Variants in LRP12 observed in about 807,000 individuals in gnomAD.
LRP12 encodes the protein low-density lipoprotein receptor-related protein 12.
Under a neutral mutation model 66.0 loss-of-function variants are expected in LRP12, and 14 were observed. The ratio of observed to expected loss-of-function variants is 0.21; its 90% CI spans 0.14 to 0.33. The LOEUF is 0.33. LRP12 is among the 10% of genes least tolerant of loss of function. LRP12 has a pLI of 1.00. For synonymous variants in LRP12, 357 were observed against 359.1 expected, an observed-to-expected ratio of 0.99 and a Z score of 0.07; for missense variants, 889 against 1,053.4, an observed-to-expected ratio of 0.84 and a Z score of 2.16.
At chr8:104,548,892 T>A (rs1811682475) in intron 1 of LRP12, among the ~76,000 whole-genome samples, 1 of 151,512 alleles carries the variant, frequency 6.6e-6, no homozygotes. Flanking sequence ...GAGCTGAGAC[T>A]GCGCCATTGC....
At chr8:104,587,819 A>C (rs925674557) in intron 1 of LRP12, among the ~76,000 whole-genome samples, 1 of 152,250 alleles carries the variant, frequency 6.6e-6, no homozygotes, top group Non-Finnish European at 1.5e-5. Flanking sequence ...AAGTAATGAT[A>C]TCTTCTAATT....
intron 1 of LRP12, among the ~76,000 whole-genome samples, chr8:104,567,549 C>T (rs1489532582): frequency 6.6e-6 from 1 of 152,056 alleles, no homozygotes; most frequent in African/African-American, 2.4e-5. Flanking sequence ...GTAAAACCAT[C>T]CCTATTTGCA....
intron 1 of LRP12, among the ~76,000 whole-genome samples, chr8:104,556,322 A>C (rs1440834698): frequency 6.6e-6 from 1 of 152,176 alleles, no homozygotes; most frequent in African/African-American, 2.4e-5. Context: ...ATTTGAAACA[A>C]ATAAAAACAA....
At chr8:104,506,931 T>G (rs1810919124) in intron 3 of LRP12, 1 of 152,196 alleles carries the variant, frequency 6.6e-6, no homozygotes, top group African/African-American at 2.4e-5. Flanking sequence ...TACTAAGAAT[T>G]TAAAATTTTT....
At chr8:104,536,669 C>T (rs944503724) in intron 1 of LRP12, among the ~76,000 whole-genome samples, 2 of 151,732 alleles carry the variant, frequency 1.3e-5, no homozygotes, top group Non-Finnish European at 2.9e-5. Flanking sequence ...AGCCTAGAGG[C>T]TTTTCTACTA....
intron 6 of LRP12, among the ~76,000 whole-genome samples, chr8:104,494,663 T>G (rs922568018): frequency 3.3e-5 from 5 of 152,134 alleles, no homozygotes; most frequent in Admixed American, 2.0e-4. Context: ...CTTGAAGATG[T>G]TTTTCCTGAG....
Position 104,497,372 on chromosome 8 carries a change from G to A in LRP12, c.1180C>T (p.Arg394Cys), listed in dbSNP as rs372061539. ...GGGCAATGCCAATACCCATCACAACGCTGCTGCTCAGTATAACACCCCCAG... is the reference window on the plus strand; with the variant it reads ...GGGCAATGCCAATACCCATCACAACACTGCTGCTCAGTATAACACCCCCAG... ...GNWGCYTEQQ[R>C]CDGYWHCPNG... Residue 394 changes from arginine to cysteine, a missense_variant, in exon 5 of 7, where the codon CGT (arginine) becomes TGT (cysteine). Transcript: ENST00000276654. This position sits in a 1 kb window ranked among gnomAD's most constrained non-coding sequence, Gnocchi z 4.3. 6.2e-5 allele frequency: 100 copies of A among 1,613,730 alleles called. No homozygotes were observed. The highest frequency in any genetic ancestry group is 1.6e-4 in the East Asian group (7 of 44,892).
chr8:104,514,404 A>C (rs891242676), intron 2 of LRP12, among the ~76,000 whole-genome samples: 4 of 151,474 alleles, frequency 2.6e-5, no homozygotes, highest in African/African-American at 9.8e-5. Context: ...AATATTGATA[A>C]AACAGATAAA....
intron 1 of LRP12, 66 bp from the exon 2 acceptor site, chr8:104,532,029 C>A: frequency 1.0e-6 from 1 of 976,746 alleles, no homozygotes; most frequent in South Asian, 1.6e-5. Context: ...TCAGATCCTC[C>A]CTTTAAAAGA....
chr8:104,521,402 T>C (rs1452849690), intron 2 of LRP12, among the ~76,000 whole-genome samples: 2 of 151,100 alleles, frequency 1.3e-5, no homozygotes, highest in East Asian at 3.9e-4. Context: ...ATAAAATAGG[T>C]TACAATTATA....
rs1414640183 is a variant in LRP12 at position 104,577,767 on chromosome 8, C to A, written c.79+11052G>T. Reference sequence around the variant, plus strand: ...CGGAGCTTGCAGTGAGCCAAGACTGCGCCACTGTGCTCCAGCCTGGGTAAC... The same window carrying A: ...CGGAGCTTGCAGTGAGCCAAGACTGAGCCACTGTGCTCCAGCCTGGGTAAC... On this transcript the variant is annotated intron_variant, in intron 1 of 6. Coordinates refer to ENST00000276654, the MANE Select transcript of LRP12 (RefSeq NM_013437.5). 4.8e-5 allele frequency among the ~76,000 whole-genome samples: 7 copies of A among 146,606 alleles called. No individual in the cohort carries two copies. The East Asian group carries it at 1.2e-3, about 25-fold the overall frequency.
At chr8:104,526,176 A>C (rs1312966886) in intron 2 of LRP12, among the ~76,000 whole-genome samples, 1 of 151,904 alleles carries the variant, frequency 6.6e-6, no homozygotes, top group African/African-American at 2.4e-5. Flanking sequence ...TCAATGAAAT[A>C]AAAGAGGATA....
At chr8:104,548,523 C>CTTTTG (rs1811668816) in intron 1 of LRP12, among the ~76,000 whole-genome samples, 1 of 92,634 alleles carries the variant, frequency 1.1e-5, no homozygotes, top group Non-Finnish European at 2.0e-5. Flanking sequence ...TATTTTGTAT[C>CTTTTG]TAATATATAA....
At position 104,499,304 on chromosome 8, in the gene LRP12, T is replaced by C; in HGVS notation, c.475+13A>G. 2 of 1,603,494 alleles carry C rather than the reference T, an allele frequency of 1.2e-6. No homozygotes were observed. The highest frequency in any genetic ancestry group is 2.2e-5 in the East Asian group (1 of 44,758). On this transcript the variant is annotated intron_variant, in intron 4 of 6. Transcript: ENST00000276654. ...AAAATTCAGTTCAATATCTTTCTTA[T>C]TTAAAAACACACCTGAAAAATATGC...
chr8:104,588,355 G>C (rs1313637066), intron 1 of LRP12, among the ~76,000 whole-genome samples: 1 of 152,206 alleles, frequency 6.6e-6, no homozygotes, highest in Non-Finnish European at 1.5e-5. Flanking sequence ...AAGGGCTGGC[G>C]CGGTGGGAAT....
intron 1 of LRP12, among the ~76,000 whole-genome samples, chr8:104,575,731 T>C (rs889621915): frequency 4.6e-5 from 7 of 152,078 alleles, no homozygotes; most frequent in African/African-American, 1.7e-4. Context: ...TCCCTCCAAA[T>C]GACCACATCA....
chr8:104,558,756 GAA>G (rs373812757), intron 1 of LRP12, among the ~76,000 whole-genome samples: 3 of 137,770 alleles, frequency 2.2e-5, no homozygotes, highest in African/African-American at 7.9e-5. Context: ...AGAGCAGTAA[GAA>G]AAAAAAAAAC....
chr8:104,550,647 T>A (rs1279951947), intron 1 of LRP12, among the ~76,000 whole-genome samples: 3 of 152,170 alleles, frequency 2.0e-5, no homozygotes, highest in Non-Finnish European at 2.9e-5. Flanking sequence ...CTTCCCTTCA[T>A]GCACTATATA....
chr8:104,491,291 A>G lies in LRP12; in HGVS notation c.1962T>C (p.Asp654=), dbSNP rs2140825566. The G allele has an allele frequency of 6.2e-7, 1 of 1,614,108 alleles. No homozygotes were observed. Among genetic ancestry groups the G allele is most frequent in the Non-Finnish European group, 8.5e-7 (1 of 1,180,022 alleles). Residue 654 remains aspartate (D), a synonymous_variant, in exon 7 of 7, where the codon GAT becomes GAC. Transcript: ENST00000276654. ...CTCTTCTCTCATTTTCTGTGTCTGT[A>G]TCATCAGACTCCACGGAAAACAAAC... The part of the protein sequence containing the change: ...HRSLFSVESD[D]TDTENERRDM...
Sources: gnomAD v4.1 joint callset for allele counts (sites outside exome capture counted in the v4.1 genomes callset) on GRCh38, gnomAD v4.1.1 for gene constraint, Gnocchi (gnomAD v3.1) non-coding constraint, MANE v1.5 for transcripts, NCBI Gene and HGNC (gene_info 2026-07-23, HGNC 2026-07-21) for gene names.